The following CIDEB variants were observed in gnomAD, a reference collection of about 807,000 sequenced individuals.
CIDEB encodes the protein cell death inducing DFFA like effector b.
A neutral mutation model predicts 22.4 loss-of-function variants in CIDEB; 27 were observed. The ratio of observed to expected loss-of-function variants is 1.21; its 90% CI spans 0.89 to 1.66. CIDEB has a LOEUF of 1.66. Among genes scored for constraint, CIDEB ranks in the 40% most tolerant of loss-of-function variants. The pLI, the probability that CIDEB is intolerant of heterozygous loss-of-function variation, is 0.00. For synonymous variants in CIDEB, 103 were observed against 109.5 expected (o/e 0.94, Z 0.37); for missense variants, 289 against 268.7 (o/e 1.08, Z -0.53).
At chr14:24,307,668 G>A in intron 1 of CIDEB, 150 bp downstream of exon 1, 3 of 1,204,364 alleles carry the variant, frequency 2.5e-6, no homozygotes, top group Non-Finnish European at 3.6e-6. Context: ...GCAGGTGGGG[G>A]CGGGTGGCTC....
Position 24,305,935 on chromosome 14 carries a change from T to C in CIDEB, c.527+12A>G, listed in dbSNP as rs367882793. Reference sequence around the variant, plus strand: ...GTAGGGGATGGGGCAGTATGACATGTTGATTTCTGACCTGAGTACTTTCTT... The same window carrying C: ...GTAGGGGATGGGGCAGTATGACATGCTGATTTCTGACCTGAGTACTTTCTT... On this transcript the variant is annotated intron_variant, in intron 4 of 4. Transcript: ENST00000554411. The C allele has an allele frequency of 9.9e-5, 159 of 1,610,668 alleles. No individual in the cohort carries two copies. The highest frequency in any genetic ancestry group is 1.3e-4 in the Non-Finnish European group (158 of 1,177,978).
upstream of CIDEB, chr14:24,310,995 C>G: frequency 6.3e-7 from 1 of 1,588,530 alleles, no homozygotes; most frequent in Non-Finnish European, 8.5e-7. Context: ...CAGCGTGCTG[C>G]TCACCGGCCT....
rs1176589397 is a variant in CIDEB at position 24,305,473 on chromosome 14, C to T, written c.*160G>A. 2.0e-5 allele frequency: 16 copies of T among 815,332 alleles called. No homozygotes were observed. Among genetic ancestry groups the T allele is most frequent in the South Asian group, 1.6e-4 (9 of 54,670 alleles). The allele number at this position is 815,332 out of a possible 1,614,324, so 50.5% of individuals were successfully genotyped here. A position where few individuals can be genotyped will look rare whatever the true frequency, so the allele number is the denominator to read the frequency against. On this transcript the variant is annotated 3_prime_UTR_variant, in exon 5 of 5. Transcript: ENST00000554411. ...AAGGGTATAGACTTGGGATGTGAGG[C>T]GTTATGCTGAAAGGTTCTGTCACGA...
At position 24,305,668 on chromosome 14, in the gene CIDEB, G is replaced by C. The variant is rs915256414; in HGVS notation, c.625C>G (p.Gln209Glu). ...TGGAGGCGGCCCTTCTGCTGCCACT[G>C]CTCAGCCCCCTCCACTGCATGACGA... Reference protein sequence around the residue: ...TLRHAVEGAEQWQQKGRLHSY With the variant: ...TLRHAVEGAEEWQQKGRLHSY Residue 209 changes from glutamine (Q) to glutamate (E), a missense_variant, in exon 5 of 5, where the codon CAG becomes GAG. Coordinates refer to ENST00000554411, the MANE Select transcript of CIDEB (RefSeq NM_001393339.1). 6.2e-7 allele frequency: 1 copy of C among 1,614,058 alleles called. No individual in the cohort carries two copies. Among genetic ancestry groups the C allele is most frequent in the Non-Finnish European group, 8.5e-7 (1 of 1,180,026 alleles).
chr14:24,309,720 G>C (rs1274587502), upstream of CIDEB: 1 of 152,468 alleles, frequency 6.6e-6, no homozygotes, highest in Non-Finnish European at 1.5e-5. Context: ...AGAGCCCTGA[G>C]GGTGGAGTGA....
At chr14:24,311,310 G>A (rs779242455), upstream of CIDEB, 3 of 1,593,990 alleles carry the variant, frequency 1.9e-6, no homozygotes, top group East Asian at 2.3e-5. Context: ...CTGGGGCTCC[G>A]GGCGGCACGG....
At chr14:24,310,682 T>G, upstream of CIDEB, 1 of 1,613,644 alleles carries the variant, frequency 6.2e-7, no homozygotes, top group Non-Finnish European at 8.5e-7. Flanking sequence ...TCTGCTACCG[T>G]CCCCCAGGGA....
intron 2 of CIDEB, 72 bp from the exon 3 acceptor site, chr14:24,306,595 C>A: frequency 1.3e-6 from 2 of 1,592,222 alleles, no homozygotes; most frequent in South Asian, 1.1e-5. Flanking sequence ...GCCCAACATC[C>A]ATCAGTTGGC....
At chr14:24,311,196 G>A (rs1392878405), upstream of CIDEB, 7 of 1,608,178 alleles carry the variant, frequency 4.4e-6, no homozygotes, top group Admixed American at 6.7e-5. Context: ...GCCGGTCCAC[G>A]CCGCCGCCCA....
In CIDEB at chr14:24,305,795, T is replaced by G. The variant is rs1285186924; in HGVS notation, c.528-30A>C. The G allele has an allele frequency of 1.9e-6, 3 of 1,607,960 alleles. No homozygotes were observed. In the Admixed American group the frequency reaches 5.1e-5, roughly 27 times the overall value. On this transcript the variant is annotated intron_variant, in intron 4 of 4. Transcript: ENST00000554411. ...ATGGCAGAGACAAGAGGAAATCAGA[T>G]GATTTGGAAAACTTGGGAGGAAGCC...
Position 24,307,428 on chromosome 14 carries a change from G to T in CIDEB, c.129C>A (p.His43Gln). The T allele has an allele frequency of 6.2e-7, 1 of 1,614,164 alleles. No homozygotes were observed. The change falls in exon 2 of 5, where the codon CAC becomes CAA. Residue 43 changes from histidine to glutamine, a missense_variant. Physicochemically the swap from His to Gln is conservative, Grantham distance 24 (BLOSUM62 0). Coordinates refer to ENST00000554411, the MANE Select transcript of CIDEB (RefSeq NM_001393339.1). ...PPQRPFRVCDHKRTIRKGLTA... is the reference protein window; with the variant it reads ...PPQRPFRVCDQKRTIRKGLTA... ...TCAGGCCTTTCCGGATGGTCCGCTTGTGATCACAGACACGGAAAGGTCGCT... is the reference window on the plus strand; with the variant it reads ...TCAGGCCTTTCCGGATGGTCCGCTTTTGATCACAGACACGGAAAGGTCGCT...
At chr14:24,311,389 C>A (rs1232187243), upstream of CIDEB, 3 of 1,602,736 alleles carry the variant, frequency 1.9e-6, no homozygotes, top group African/African-American at 4.0e-5. Flanking sequence ...CCCTACCACG[C>A]AGTCAACCTT....
chr14:24,310,675 G>A (rs1329778937), upstream of CIDEB: 11 of 1,613,930 alleles, frequency 6.8e-6, no homozygotes, highest in East Asian at 4.5e-5. Context: ...ATGTCGGTCT[G>A]CTACCGTCCC....
upstream of CIDEB, chr14:24,310,025 TG>T: frequency 6.4e-6 from 1 of 157,148 alleles, no homozygotes; most frequent in Non-Finnish European, 1.4e-5. Flanking sequence ...TGCTGTTTCC[TG>T]GCAAGGCAGG....
chr14:24,310,721 G>A (rs892733806), upstream of CIDEB: 3 of 1,612,212 alleles, frequency 1.9e-6, no homozygotes, highest in Non-Finnish European at 2.5e-6. Flanking sequence ...GGAAGACTTC[G>A]CGGGCCACAG....
At chr14:24,310,341 G>A (rs947768883), upstream of CIDEB, 29 of 601,590 alleles carry the variant, frequency 4.8e-5, no homozygotes, top group Non-Finnish European at 5.9e-5. Flanking sequence ...AAGAAGGAGG[G>A]GCCAGACTAG....
upstream of CIDEB, chr14:24,310,895 C>T: frequency 6.3e-7 from 1 of 1,593,132 alleles, no homozygotes; most frequent in Non-Finnish European, 8.5e-7. Flanking sequence ...TCACGCCGCT[C>T]TTTGTGGCCT....
upstream of CIDEB, chr14:24,310,512 C>T (rs892830487): frequency 2.1e-5 from 18 of 838,772 alleles, no homozygotes; most frequent in Non-Finnish European, 3.4e-5. Context: ...TCTGGGTCCT[C>T]GTGGAAGTCA....
upstream of CIDEB, chr14:24,310,806 T>A (rs768100539): frequency 1.9e-6 from 3 of 1,597,658 alleles, 1 homozygote; most frequent in South Asian, 3.3e-5. Context: ...CTTGGCGGGC[T>A]GGCGGCCTGC....
Sources: gnomAD v4.1 joint callset for allele counts on GRCh38, gnomAD v4.1.1 for gene constraint, MANE v1.5 for transcripts, NCBI Gene and HGNC (gene_info 2026-07-23, HGNC 2026-07-21) for gene names.